ZNF491: variants seen among roughly 807,000 people sequenced by gnomAD.
The protein encoded by ZNF491 is zinc finger protein 491.
Under a neutral mutation model 34.7 loss-of-function variants are expected in ZNF491, and 22 were observed. That is an observed-to-expected ratio of 0.63 (90% CI 0.45 to 0.90). ZNF491 has a LOEUF of 0.90. Ranked by LOEUF, ZNF491 falls within the 40% of genes least tolerant of loss-of-function variation. The pLI is 0.00. For missense variants in ZNF491, 559 were observed against 531.7 expected, an observed-to-expected ratio of 1.05 and a Z score of -0.51; for synonymous variants, 148 against 174.3, an observed-to-expected ratio of 0.85 and a Z score of 1.19.
Position 11,807,135 on chromosome 19 carries a change from T to C in ZNF491, c.1182T>C (p.Cys394=). The change falls in exon 3 of 3, where the codon TGT becomes TGC. Residue 394 remains cysteine (C), a synonymous_variant. Transcript: ENST00000323169. ...ECKHCGKAFT[C]SIYIRIHERI... is the part of the protein sequence containing the mutation. ...AGCATTGTGGGAAAGCCTTCACTTG[T>C]TCCATATATATTAGAATACATGAAA... 6.2e-7 allele frequency: 1 copy of C among 1,612,868 alleles called. No homozygotes were observed. Among genetic ancestry groups the C allele is most frequent in the South Asian group, 1.1e-5 (1 of 90,828 alleles).
In ZNF491 at chr19:11,806,068, A is replaced by G; in HGVS notation, c.115A>G (p.Ser39Gly). 6.2e-7 allele frequency: 1 copy of G among 1,613,964 alleles called. No homozygotes were observed. Among genetic ancestry groups the G allele is most frequent in the African/African-American group, 1.3e-5 (1 of 75,042 alleles). The change falls in exon 3 of 3, where the codon AGT becomes GGT. Residue 39 changes from serine to glycine, a missense_variant. By Grantham distance (56) the Ser-to-Gly change is moderately conservative (BLOSUM62 0). Coordinates refer to ENST00000323169, the MANE Select transcript of ZNF491 (RefSeq NM_152356.4). ...KTLPGVKSCE[S>G]GTCGEIFMGY... is the part of the protein sequence containing the mutation. Reference sequence around the variant, plus strand: ...TCTTCCTGGAGTAAAATCATGTGAAAGTGGTACATGTGGAGAAATCTTCAT... The same window carrying G: ...TCTTCCTGGAGTAAAATCATGTGAAGGTGGTACATGTGGAGAAATCTTCAT...
intron 2 of ZNF491, among the ~76,000 whole-genome samples, chr19:11,805,583 C>T (rs528950859): frequency 1.3e-5 from 2 of 152,150 alleles, no homozygotes; most frequent in Non-Finnish European, 2.9e-5. Context: ...CATGGTGGCT[C>T]ATGCCTGTAA....
intron 1 of ZNF491, among the ~76,000 whole-genome samples, chr19:11,801,776 T>C (rs932789193): frequency 6.6e-6 from 1 of 152,248 alleles, no homozygotes; most frequent in African/African-American, 2.4e-5. Context: ...TGAGTCATAC[T>C]GCATTTTTCT....
At chr19:11,799,760 C>T (rs557014669) in intron 1 of ZNF491, among the ~76,000 whole-genome samples, 1 of 152,022 alleles carries the variant, frequency 6.6e-6, no homozygotes, top group South Asian at 2.1e-4. Flanking sequence ...ATGGTGAAAC[C>T]CCGACTCTAC....
At position 11,806,819 on chromosome 19, in the gene ZNF491, A is replaced by C; in HGVS notation, c.866A>C (p.His289Pro). Residue 289 changes from histidine (H) to proline (P), a missense_variant, in exon 3 of 3, where the codon CAT becomes CCT. Coordinates refer to ENST00000323169, the MANE Select transcript of ZNF491 (RefSeq NM_152356.4). ...TACTCTCCCAGTTCATTTCAAAGGC[A>C]TGAAAGAAGTCACACTGGAGAGAAA... ...AFYSPSSFQR[H>P]ERSHTGEKPY... The C allele has an allele frequency of 1.2e-6, 2 of 1,609,362 alleles. No individual in the cohort carries two copies. The highest frequency in any genetic ancestry group is 1.7e-6 in the Non-Finnish European group (2 of 1,178,126).
rs1427167093 is a variant in ZNF491, at chr19:11,804,554, T to C, written c.-121T>C. Reference sequence around the variant, plus strand: ...TGAGATGTTTCAGGACCCAGTGGCCTTTGAGGATGTGGCTGTGAACTTCAC... The same window carrying C: ...TGAGATGTTTCAGGACCCAGTGGCCCTTGAGGATGTGGCTGTGAACTTCAC... On this transcript the variant is annotated 5_prime_UTR_variant, in exon 2 of 3. Coordinates refer to ENST00000323169, the MANE Select transcript of ZNF491 (RefSeq NM_152356.4). The C allele has an allele frequency of 1.3e-6, 2 of 1,556,978 alleles. No individual in the cohort carries two copies. Among genetic ancestry groups the C allele is most frequent in the African/African-American group, 1.4e-5 (1 of 71,180 alleles).
At chr19:11,799,650 G>C (rs1053057686) in intron 1 of ZNF491, among the ~76,000 whole-genome samples, 2 of 151,966 alleles carry the variant, frequency 1.3e-5, no homozygotes, top group Non-Finnish European at 2.9e-5. Flanking sequence ...AATTAGTCGG[G>C]TATGGCCGGG....
chr19:11,804,852 T>C (rs763271720), intron 2 of ZNF491, among the ~76,000 whole-genome samples, 185 bp downstream of exon 2: 10 of 152,188 alleles, frequency 6.6e-5, no homozygotes, highest in Admixed American at 2.0e-4. Flanking sequence ...TTCAGGACTA[T>C]TTTTTAGGGA....
chr19:11,805,878 A>G (rs1237434704), intron 2 of ZNF491, 69 bp from the exon 3 acceptor site: 2 of 1,268,420 alleles, frequency 1.6e-6, no homozygotes, highest in South Asian at 1.5e-5. Flanking sequence ...ATGCAAGTGT[A>G]ATACTTATTA....
chr19:11,804,765 T>A (rs1975591382), intron 2 of ZNF491, 98 bp downstream of exon 2: 2 of 514,990 alleles, frequency 3.9e-6, no homozygotes, highest in Non-Finnish European at 5.6e-6. Flanking sequence ...TAGGCAATCC[T>A]TCGATGAACA....
chr19:11,807,253 A>T lies in ZNF491; in HGVS notation c.1300A>T (p.Thr434Ser). The T allele has an allele frequency of 6.5e-7, 1 of 1,545,648 alleles. No individual in the cohort carries two copies. Among genetic ancestry groups the T allele is most frequent in the Non-Finnish European group, 8.7e-7 (1 of 1,151,820 alleles). Residue 434 changes from threonine (T) to serine (S), a missense_variant, in exon 3 of 3, where the codon ACT (threonine) becomes TCT (serine). Transcript: ENST00000323169. Reference sequence around the variant, plus strand: ...CTGTCGAAAACATGAAAGAACTCACACTATTAATATATGAGAGAAATGCTA... The same window carrying T: ...CTGTCGAAAACATGAAAGAACTCACTCTATTAATATATGAGAGAAATGCTA... The part of the protein sequence containing the change: ...SYCRKHERTH[T>S]INI
chr19:11,804,015 C>T (rs1237843682), intron 1 of ZNF491, among the ~76,000 whole-genome samples: 1 of 151,328 alleles, frequency 6.6e-6, no homozygotes, highest in Non-Finnish European at 1.5e-5. Context: ...CCAGCCTGAC[C>T]AACATGGTGA....
chr19:11,805,733 C>T (rs1975602627), intron 2 of ZNF491, among the ~76,000 whole-genome samples: 1 of 151,904 alleles, frequency 6.6e-6, no homozygotes, highest in Admixed American at 6.6e-5. Flanking sequence ...TGTAGTCCAA[C>T]TTTCTGGGGA....
chr19:11,804,613 G>T lies in ZNF491; in HGVS notation c.-62G>T. ...AGTGGGCCTTGTTGAATCCTTTCCA[G>T]AAGATCTCTACAGAGATGTGATGCA... On this transcript the variant is annotated 5_prime_UTR_variant, in exon 2 of 3. Transcript: ENST00000323169. 6.6e-7 allele frequency: 1 copy of T among 1,524,754 alleles called. No individual in the cohort carries two copies. Among genetic ancestry groups the T allele is most frequent in the Non-Finnish European group, 8.8e-7 (1 of 1,137,596 alleles). 94.5% of individuals were successfully genotyped at this position (1,524,754 alleles called of 1,614,324 possible). A position where few individuals can be genotyped will look rare whatever the true frequency, so the allele number is the denominator to read the frequency against.
Position 11,806,760 on chromosome 19 carries a change from G to C in ZNF491, c.807G>C (p.Arg269Ser). 6.2e-7 allele frequency: 1 copy of C among 1,613,124 alleles called. No individual in the cohort carries two copies. The highest frequency in any genetic ancestry group is 8.5e-7 in the Non-Finnish European group (1 of 1,179,708). Reference sequence around the variant, plus strand: ...ACATGAGAATGCACACTGGAGAGAGGCCTCATAAATGTAAGATATGTGGGA... The same window carrying C: ...ACATGAGAATGCACACTGGAGAGAGCCCTCATAAATGTAAGATATGTGGGA... ...RRHMRMHTGE[R>S]PHKCKICGKA... is the part of the protein sequence containing the mutation. Residue 269 changes from arginine to serine, a missense_variant, in exon 3 of 3, where the codon AGG becomes AGC. Coordinates refer to ENST00000323169, the MANE Select transcript of ZNF491 (RefSeq NM_152356.4).
At position 11,806,779 on chromosome 19, in the gene ZNF491, T is replaced by C. The variant is rs150689659; in HGVS notation, c.826T>C (p.Cys276Arg). 1.2e-4 allele frequency: 199 copies of C among 1,612,722 alleles called. 1 individual carries two copies. The East Asian group carries it at 1.6e-3, about 13-fold the overall frequency. The change falls in exon 3 of 3, where the codon TGT becomes CGT. Residue 276 changes from cysteine to arginine, a missense_variant. Coordinates refer to ENST00000323169, the MANE Select transcript of ZNF491 (RefSeq NM_152356.4). ...TGERPHKCKI[C>R]GKAFYSPSSF... ...AGAGAGGCCTCATAAATGTAAGATA[T>C]GTGGGAAAGCCTTTTACTCTCCCAG...
rs574916672 is a variant in ZNF491 at position 11,807,516 on chromosome 19, T to C, written c.*249T>C. The C allele has an allele frequency of 2.6e-5, 10 of 383,042 alleles. No individual in the cohort carries two copies. The highest frequency in any genetic ancestry group is 4.4e-5 in the Non-Finnish European group (9 of 206,622). The allele number at this position is 383,042 out of a possible 1,614,324, so 23.7% of individuals were successfully genotyped here. A position where few individuals can be genotyped will look rare whatever the true frequency, so the allele number is the denominator to read the frequency against. ...CATTTTAGAGCCAGCCAAATTCACA[T>C]GGGCTGTGTGGCCCCCTGATTCTAG... On this transcript the variant is annotated 3_prime_UTR_variant, in exon 3 of 3. Coordinates refer to ENST00000323169, the MANE Select transcript of ZNF491 (RefSeq NM_152356.4).
Position 11,806,648 on chromosome 19 carries a change from G to T in ZNF491, c.695G>T (p.Arg232Met), listed in dbSNP as rs142223398. The T allele has an allele frequency of 2.2e-3, 3,525 of 1,612,964 alleles. 27 individuals carry two copies. Among genetic ancestry groups the T allele is most frequent in the Non-Finnish European group, 1.9e-3 (2,266 of 1,179,656 alleles). The change falls in exon 3 of 3, where the codon AGG (arginine) becomes ATG (methionine). Residue 232 changes from arginine (R) to methionine (M), a missense_variant. Physicochemically the swap from Arg to Met is moderately conservative, Grantham distance 91. Coordinates refer to ENST00000323169, the MANE Select transcript of ZNF491 (RefSeq NM_152356.4). ...KAFNCPSSFH[R>M]HERTHTGEKP... ...TTCAATTGTCCCAGTTCTTTTCACA[G>T]GCATGAAAGGACTCACACAGGAGAA... is the stretch of plus-strand genomic sequence containing the variant.
At chr19:11,804,074 G>T (rs1374608959) in intron 1 of ZNF491, among the ~76,000 whole-genome samples, 4 of 151,958 alleles carry the variant, frequency 2.6e-5, no homozygotes. Flanking sequence ...ATGGTGGTGC[G>T]TGCCTGTAAT....
Sources: gnomAD v4.1 joint callset for allele counts (sites outside exome capture counted in the v4.1 genomes callset) on GRCh38, gnomAD v4.1.1 for gene constraint, MANE v1.5 for transcripts, NCBI Gene and HGNC (gene_info 2026-07-23, HGNC 2026-07-21) for gene names.